Variants in CHLSN observed in about 807,000 individuals in gnomAD.
CHLSN encodes the protein protein cholesin.
At chr7:996,167 G>A in the CHLSN span, among the ~76,000 whole-genome samples, 2 of 152,252 alleles carry the variant, frequency 1.3e-5, no homozygotes, top group African/African-American at 4.8e-5. Context: ...CGGCTGAGGA[G>A]GCCCAGCCAG....
chr7:998,677 C>T, the CHLSN span, among the ~76,000 whole-genome samples: 3 of 152,094 alleles, frequency 2.0e-5, no homozygotes, highest in Non-Finnish European at 4.4e-5. Context: ...AACTCTTGAC[C>T]TCAAGTGATC....
chr7:1,097,331 G>C, the CHLSN span, among the ~76,000 whole-genome samples: 7 of 152,146 alleles, frequency 4.6e-5, no homozygotes, highest in Admixed American at 6.5e-5. The surrounding 1 kb of genome is among the most constrained non-coding windows in gnomAD (Gnocchi z 4.3). Context: ...GACAAGAAAG[G>C]CTCCAAGAGC....
At chr7:978,255 C>A in the CHLSN span, among the ~76,000 whole-genome samples, 4 of 152,332 alleles carry the variant, frequency 2.6e-5, no homozygotes, top group African/African-American at 9.6e-5. Context: ...CGGTGGCTCA[C>A]ACCTGTAATC....
the CHLSN span, among the ~76,000 whole-genome samples, chr7:1,007,572 C>T: frequency 6.6e-6 from 1 of 152,232 alleles, no homozygotes; most frequent in Non-Finnish European, 1.5e-5. Flanking sequence ...TTGGAGACCC[C>T]CAGGAAAGAG....
At chr7:1,061,391 T>C in the CHLSN span, among the ~76,000 whole-genome samples, 3 of 151,928 alleles carry the variant, frequency 2.0e-5, no homozygotes, top group African/African-American at 7.3e-5. Flanking sequence ...CTGTGCACCA[T>C]GGCCTGCCCC....
chr7:1,131,978 T>A, the CHLSN span, among the ~76,000 whole-genome samples: 1 of 152,208 alleles, frequency 6.6e-6, no homozygotes, highest in African/African-American at 2.4e-5. Context: ...GAAAGACAAA[T>A]GGTGCCAGGA....
chr7:981,271 G>A, the CHLSN span, among the ~76,000 whole-genome samples: 291 of 150,514 alleles, frequency 1.9e-3, no homozygotes, highest in Non-Finnish European at 2.8e-3. Flanking sequence ...ACTCTAGCCT[G>A]GATGACGAGA....
the CHLSN span, chr7:1,024,535 G>A: frequency 4.6e-5 from 7 of 152,310 alleles, no homozygotes; most frequent in African/African-American, 1.4e-4. Flanking sequence ...TTTTATTTCT[G>A]CTTTTCTCTT....
chr7:1,116,528 T>C, the CHLSN span, among the ~76,000 whole-genome samples: 14 of 55,916 alleles, frequency 2.5e-4, no homozygotes, highest in African/African-American at 3.5e-4. Context: ...ATCACTGCAG[T>C]TCTAGGACCG....
the CHLSN span, among the ~76,000 whole-genome samples, chr7:1,137,129 G>C: frequency 1.8e-4 from 28 of 152,174 alleles, no homozygotes; most frequent in Admixed American, 3.3e-4. Context: ...GCCCCTCCTC[G>C]CATCTCTGGG....
chr7:986,055 C>T, the CHLSN span, among the ~76,000 whole-genome samples: 57 of 152,286 alleles, frequency 3.7e-4, no homozygotes, highest in African/African-American at 1.3e-3. Flanking sequence ...CTGCGTGGTC[C>T]GGGGCAGCCC....
chr7:986,560 C>T, the CHLSN span: 85 of 1,574,934 alleles, frequency 5.4e-5, no homozygotes, highest in Non-Finnish European at 4.1e-5. Context: ...GGACGATCAC[C>T]GCCTGCCCAG....
chr7:1,072,973 C>T, the CHLSN span, among the ~76,000 whole-genome samples: 1 of 152,216 alleles, frequency 6.6e-6, no homozygotes, highest in Non-Finnish European at 1.5e-5. Context: ...ACAGGACTGA[C>T]AGAGCCTTCA....
chr7:1,123,811 A>G, the CHLSN span, among the ~76,000 whole-genome samples: 1 of 151,718 alleles, frequency 6.6e-6, no homozygotes, highest in Non-Finnish European at 1.5e-5. The surrounding 1 kb of genome is among the most constrained non-coding windows in gnomAD (Gnocchi z 4.4). Flanking sequence ...AGCTGAAGGC[A>G]GCTCCCTCCG....
the CHLSN span, among the ~76,000 whole-genome samples, chr7:1,086,144 G>A: frequency 3.3e-5 from 5 of 152,274 alleles, no homozygotes; most frequent in Admixed American, 6.5e-5. Flanking sequence ...CCCAGGGCAC[G>A]TGAGTGGAGA....
At chr7:1,099,422 T>C in the CHLSN span, among the ~76,000 whole-genome samples, 1 of 152,260 alleles carries the variant, frequency 6.6e-6, no homozygotes, top group Non-Finnish European at 1.5e-5. Context: ...AAACATTTCC[T>C]AAGAGCGGAA....
At chr7:1,022,744 T>TC in the CHLSN span, among the ~76,000 whole-genome samples, 1 of 151,870 alleles carries the variant, frequency 6.6e-6, no homozygotes. Context: ...TAAAGGTGAA[T>TC]CCCCCCCAAC....
At chr7:1,042,636 G>C in the CHLSN span, among the ~76,000 whole-genome samples, 23 of 152,180 alleles carry the variant, frequency 1.5e-4, no homozygotes, top group Non-Finnish European at 3.1e-4. Context: ...CAGATAAGGC[G>C]GTCTGCAGTG....
the CHLSN span, among the ~76,000 whole-genome samples, chr7:1,016,658 G>GCGCACGC: frequency 3.2e-5 from 2 of 62,516 alleles, no homozygotes; most frequent in African/African-American, 1.8e-4. Context: ...GCAGCACACA[G>GCGCACGC]CAGCGCACAG....
Sources: gnomAD v4.1 joint callset for allele counts (sites outside exome capture counted in the v4.1 genomes callset) on GRCh38, gnomAD v4.1.1 for gene constraint, Gnocchi (gnomAD v3.1) non-coding constraint, MANE v1.5 for transcripts, NCBI Gene and HGNC (gene_info 2026-07-23, HGNC 2026-07-21) for gene names.